Variants in RPS6KA5 observed in about 807,000 individuals in gnomAD.
The protein encoded by RPS6KA5 is ribosomal protein S6 kinase alpha-5.
In RPS6KA5, 27 loss-of-function variants were observed where a neutral mutation model predicts 85.5. The ratio of observed to expected loss-of-function variants is 0.32; its 90% CI spans 0.23 to 0.44. The LOEUF is 0.44. Among genes scored for constraint, RPS6KA5 ranks in the 20% least tolerant of loss-of-function variants. The probability of loss-of-function intolerance (pLI) is 1.00; values close to 1 mark genes in which losing one functional copy is unlikely to be tolerated. For missense variants in RPS6KA5, 811 were observed against 980.9 expected, an observed-to-expected ratio of 0.83 and a Z score of 2.31; for synonymous variants, 334 against 348.2, an observed-to-expected ratio of 0.96 and a Z score of 0.46.
At chr14:91,019,499 C>T (rs2041651100) in intron 1 of RPS6KA5, among the ~76,000 whole-genome samples, 1 of 152,176 alleles carries the variant, frequency 6.6e-6, no homozygotes, top group African/African-American at 2.4e-5. Flanking sequence ...ACTAACTTTC[C>T]TGGGTCTCCA....
intron 3 of RPS6KA5, among the ~76,000 whole-genome samples, chr14:90,970,938 A>C (rs2039290881): frequency 6.6e-6 from 1 of 151,806 alleles, no homozygotes; most frequent in South Asian, 2.1e-4. Context: ...AATGTGACTT[A>C]ACAATAGATA....
intron 1 of RPS6KA5, among the ~76,000 whole-genome samples, chr14:91,054,222 C>T (rs1291621587): frequency 1.3e-5 from 2 of 152,024 alleles, no homozygotes; most frequent in East Asian, 3.9e-4. Flanking sequence ...AATGTAACAG[C>T]TAAAGCCATA....
intron 12 of RPS6KA5, among the ~76,000 whole-genome samples, chr14:90,896,735 T>C (rs1443890138): frequency 2.0e-5 from 3 of 152,158 alleles, no homozygotes; most frequent in Non-Finnish European, 2.9e-5. Flanking sequence ...TTTCTTATTT[T>C]TTTGAGACAG....
rs2140090262 is a variant in RPS6KA5, at chr14:90,849,224, A to C, written c.*22850T>G. 2.0e-5 allele frequency: 3 copies of C among 152,368 alleles called. No homozygotes were observed. The South Asian group carries it at 6.2e-4, about 32-fold the overall frequency. The allele number at this position is 152,368 out of a possible 1,614,324, so 9.4% of individuals were successfully genotyped here. A position where few individuals can be genotyped will look rare whatever the true frequency, so the allele number is the denominator to read the frequency against. Reference sequence around the variant, plus strand: ...TGAATTAGCTACTGCTTATCAGGCAACTAACAGAGCCGGCAACAGAAAGGT... The same window carrying C: ...TGAATTAGCTACTGCTTATCAGGCACCTAACAGAGCCGGCAACAGAAAGGT... On this transcript the variant is annotated 3_prime_UTR_variant, in exon 17 of 17. Coordinates refer to ENST00000614987, the MANE Select transcript of RPS6KA5 (RefSeq NM_004755.4).
In RPS6KA5 at chr14:90,860,846, C is replaced by T. The variant is rs1180173885; in HGVS notation, c.*11228G>A. On this transcript the variant is annotated 3_prime_UTR_variant, in exon 17 of 17. Transcript: ENST00000614987. The stretch of plus-strand genomic sequence containing the variant: ...AAAAGGCAGGATGGAAAGAAAAACA[C>T]CAGAAAACATAAATATGTGAGCAAA... 6.7e-6 allele frequency: 1 copy of T among 149,994 alleles called. No homozygotes were observed. The highest frequency in any genetic ancestry group is 1.5e-5 in the Non-Finnish European group (1 of 67,640). The allele number at this position is 149,994 out of a possible 1,614,324, so 9.3% of individuals were successfully genotyped here.
chr14:90,912,243 T>C (rs2035864866), intron 7 of RPS6KA5, among the ~76,000 whole-genome samples: 1 of 152,198 alleles, frequency 6.6e-6, no homozygotes, highest in South Asian at 2.1e-4. Context: ...TCTTTCTCCT[T>C]AGGAGTAAAG....
Position 90,902,878 on chromosome 14 carries a change from T to C in RPS6KA5, c.1049A>G (p.Glu350Gly), listed in dbSNP as rs780222805. Residue 350 changes from glutamate (E) to glycine (G), a missense_variant, in exon 9 of 17, where the codon GAA (glutamate) becomes GGA (glycine). Transcript: ENST00000614987. ...RDELDVSNFAEEFTEMDPTYS... is the reference protein window; with the variant it reads ...RDELDVSNFAGEFTEMDPTYS... ...AGTGGGATCCATTTCTGTGAACTCT[T>C]CTGCAAAGTTACTCACATCTAATTC... is the stretch of plus-strand genomic sequence containing the variant. 3.7e-5 allele frequency: 60 copies of C among 1,613,992 alleles called. No individual in the cohort carries two copies. In the South Asian group the frequency reaches 6.6e-4, roughly 18 times the overall value.
chr14:91,011,973 G>A (rs2041275634), intron 1 of RPS6KA5, among the ~76,000 whole-genome samples: 1 of 152,140 alleles, frequency 6.6e-6, no homozygotes, highest in Non-Finnish European at 1.5e-5. Context: ...GAAACGTATC[G>A]TTTGTTGCAG....
chr14:91,056,344 G>A (rs936383741), intron 1 of RPS6KA5, among the ~76,000 whole-genome samples: 2 of 152,188 alleles, frequency 1.3e-5, no homozygotes, highest in African/African-American at 4.8e-5. Flanking sequence ...GGCTTTAGGT[G>A]AATGATCCAA....
Position 90,978,315 on chromosome 14 carries a change from G to C in RPS6KA5, c.385C>G (p.Leu129Val). The C allele has an allele frequency of 1.3e-6, 2 of 1,598,756 alleles. No homozygotes were observed. The highest frequency in any genetic ancestry group is 2.7e-5 in the African/African-American group (2 of 74,328). ...YAFQTETKLH[L>V]ILDYINGGEL... Reference sequence around the variant, plus strand: ...AACAACTGACACTTACCTAAAATGAGATGAAGTTTGGTTTCTGTCTGGAAA... The same window carrying C: ...AACAACTGACACTTACCTAAAATGACATGAAGTTTGGTTTCTGTCTGGAAA... The change falls in exon 3 of 17, where the codon CTC becomes GTC. Residue 129 changes from leucine (L) to valine (V), a missense_variant. Leu to Val is a conservative substitution (Grantham distance 32, BLOSUM62 1). Transcript: ENST00000614987.
At chr14:90,873,590 C>T (rs1318286627) in intron 16 of RPS6KA5, 42 bp downstream of exon 16, 2 of 1,538,092 alleles carry the variant, frequency 1.3e-6, no homozygotes, top group Non-Finnish European at 1.8e-6. Flanking sequence ...GATTATGATT[C>T]CTACTCAAAC....
intron 3 of RPS6KA5, among the ~76,000 whole-genome samples, chr14:90,951,255 G>A (rs570459057): frequency 5.9e-4 from 89 of 152,108 alleles, no homozygotes; most frequent in African/African-American, 1.2e-3. Flanking sequence ...AGGCCGAGGC[G>A]GGCGGGTCAC....
chr14:90,946,347 G>A (rs764066196), intron 4 of RPS6KA5, among the ~76,000 whole-genome samples: 13 of 151,852 alleles, frequency 8.6e-5, no homozygotes, highest in African/African-American at 2.7e-4. Flanking sequence ...GTTCTCACAC[G>A]TTTTTCATTC....
At chr14:90,971,329 T>C (rs2039310954) in intron 3 of RPS6KA5, among the ~76,000 whole-genome samples, 1 of 151,798 alleles carries the variant, frequency 6.6e-6, no homozygotes. Context: ...GAAAAAAAAA[T>C]TATTGGAACC....
At chr14:90,928,739 G>GAAA (rs199815422) in intron 5 of RPS6KA5, among the ~76,000 whole-genome samples, 4 of 94,744 alleles carry the variant, frequency 4.2e-5, no homozygotes, top group Admixed American at 1.0e-4. Context: ...CACTTAAAAT[G>GAAA]AAAAAAAAAA....
At position 91,060,355 on chromosome 14, in the gene RPS6KA5, G is replaced by T. The variant is rs2043608390; in HGVS notation, c.80C>A (p.Thr27Asn). 1 of 1,478,564 alleles carries T rather than the reference G, an allele frequency of 6.8e-7. No homozygotes were observed. The allele number at this position is 1,478,564 out of a possible 1,614,324, so 91.6% of individuals were successfully genotyped here. A position where few individuals can be genotyped will look rare whatever the true frequency, so the allele number is the denominator to read the frequency against. ...DGGDGGEQLL[T>N]VKHELRTANL... ...ACCAGTCCGCAGCTCGTGCTTGACA[G>T]TGAGGAGCTGCTCTCCTCCGTCGCC... Residue 27 changes from threonine (T) to asparagine (N), a missense_variant, in exon 1 of 17, where the codon ACT becomes AAT. Thr to Asn is a moderately conservative substitution (Grantham distance 65). Transcript: ENST00000614987.
intron 1 of RPS6KA5, among the ~76,000 whole-genome samples, chr14:91,012,695 C>T (rs1017997911): frequency 6.6e-6 from 1 of 152,170 alleles, no homozygotes; most frequent in Non-Finnish European, 1.5e-5. Context: ...AGTGAGGACA[C>T]AGCTCACCAA....
At chr14:90,983,799 CTCTCTCTCTCTCTCTCTG>C (rs2039921761) in intron 2 of RPS6KA5, among the ~76,000 whole-genome samples, 3 of 119,890 alleles carry the variant, frequency 2.5e-5, no homozygotes, top group Admixed American at 8.7e-5. Flanking sequence ...CTCTCTCTCT[CTCTCTCTCTCTCTCTCTG>C]TCTCTCTCTC....
Position 90,863,326 on chromosome 14 carries a change from A to AAAAAAAAAAAAAAG in RPS6KA5, c.*8747_*8748insCTTTTTTTTTTTTT, listed in dbSNP as rs1566662643. 23 of 141,458 alleles carry AAAAAAAAAAAAAAG rather than the reference A, an allele frequency of 1.6e-4. No homozygotes were observed. Among genetic ancestry groups the AAAAAAAAAAAAAAG allele is most frequent in the African/African-American group, 6.2e-4 (22 of 35,444 alleles). The allele number at this position is 141,458 out of a possible 1,614,324, so 8.8% of individuals were successfully genotyped here. On this transcript the variant is annotated 3_prime_UTR_variant, in exon 17 of 17. Coordinates refer to ENST00000614987, the MANE Select transcript of RPS6KA5 (RefSeq NM_004755.4). ...TCAAAAAAAAAAAAAAAAAAAAAAAAAAAAGAAAAGAAAAGAAAAAAATAT... is the reference window on the plus strand; with the variant it reads ...TCAAAAAAAAAAAAAAAAAAAAAAAAAAAAAAAAAAAAAGAAAAGAAAAGAAAAGAAAAAAATAT...
Sources: gnomAD v4.1 joint callset for allele counts (sites outside exome capture counted in the v4.1 genomes callset) on GRCh38, gnomAD v4.1.1 for gene constraint, MANE v1.5 for transcripts, NCBI Gene and HGNC (gene_info 2026-07-23, HGNC 2026-07-21) for gene names.